Variants in DNM3 observed in about 807,000 individuals in gnomAD.
DNM3 encodes dynamin-3.
Under a neutral mutation model 101.6 loss-of-function variants are expected in DNM3, and 47 were observed. The observed-to-expected ratio is 0.46, with a 90% CI of 0.37 to 0.59. The LOEUF (loss-of-function observed/expected upper bound fraction) is 0.59. Among genes scored for constraint, DNM3 ranks in the 20% least tolerant of loss-of-function variants. DNM3 has a pLI of 0.00. For missense variants in DNM3, 849 were observed against 1,085.7 expected (o/e 0.78, Z 3.06); for synonymous variants, 385 against 387.9 (o/e 0.99, Z 0.09).
At chr1:171,969,755 T>C (rs1018141954) in intron 2 of DNM3, among the ~76,000 whole-genome samples, 2 of 152,132 alleles carry the variant, frequency 1.3e-5, no homozygotes, top group African/African-American at 4.8e-5. Context: ...CAAAACACCG[T>C]ATTTTGAGGT....
intron 17 of DNM3, among the ~76,000 whole-genome samples, chr1:172,338,184 G>A (rs1335274556): frequency 6.6e-6 from 1 of 152,012 alleles, no homozygotes; most frequent in Non-Finnish European, 1.5e-5. Context: ...CAAAGTGCTG[G>A]GATTACAGGC....
chr1:171,896,096 T>G (rs1319412783), intron 1 of DNM3, among the ~76,000 whole-genome samples: 7 of 152,220 alleles, frequency 4.6e-5, no homozygotes, highest in Admixed American at 1.3e-4. Context: ...TTGTTCTTTT[T>G]GCTTAGGATT....
intron 13 of DNM3, among the ~76,000 whole-genome samples, chr1:172,117,141 G>A (rs1364710749): frequency 6.6e-6 from 1 of 151,738 alleles, no homozygotes; most frequent in Non-Finnish European, 1.5e-5. Context: ...GGAGGCAGAG[G>A]TTGTGGTGAG....
chr1:172,304,269 A>G (rs1269998871), intron 15 of DNM3, among the ~76,000 whole-genome samples: 1 of 149,416 alleles, frequency 6.7e-6, no homozygotes, highest in Non-Finnish European at 1.5e-5. Context: ...TTAAACCAAC[A>G]AAGATCAAAA....
chr1:172,091,663 G>C (rs1235754027), intron 12 of DNM3, among the ~76,000 whole-genome samples: 1 of 152,180 alleles, frequency 6.6e-6, no homozygotes, highest in African/African-American at 2.4e-5. Flanking sequence ...AGTAGTGGGG[G>C]TTGCTTGAGT....
chr1:172,055,405 C>G (rs1046670218), intron 10 of DNM3, among the ~76,000 whole-genome samples: 7 of 151,940 alleles, frequency 4.6e-5, no homozygotes, highest in Admixed American at 3.9e-4. Flanking sequence ...AGTTGCATAG[C>G]CTTCCCACAA....
chr1:171,914,486 T>A (rs1247056276), intron 1 of DNM3, among the ~76,000 whole-genome samples: 2 of 152,206 alleles, frequency 1.3e-5, no homozygotes, highest in African/African-American at 4.8e-5. Context: ...GGAAAAAAAT[T>A]TTAAAAATAT....
At chr1:172,074,967 T>C (rs925735908) in intron 11 of DNM3, among the ~76,000 whole-genome samples, 3 of 152,226 alleles carry the variant, frequency 2.0e-5, no homozygotes, top group African/African-American at 7.2e-5. Context: ...CCACATCCTC[T>C]CCAGCATCTG....
chr1:172,044,491 A>G (rs1174582098), intron 9 of DNM3, 39 bp downstream of exon 9: 3 of 1,537,920 alleles, frequency 2.0e-6, no homozygotes, highest in Non-Finnish European at 2.7e-6. Context: ...TGTTCAAGCT[A>G]CCAAAAGAAA....
chr1:172,236,783 C>T lies in DNM3; in HGVS notation c.1660-16790C>T, dbSNP rs865932004. 2.6e-5 allele frequency among the ~76,000 whole-genome samples: 4 copies of T among 152,242 alleles called. 1 individual carries two copies. The highest frequency in any genetic ancestry group is 6.8e-3 in the Middle Eastern group (2 of 294). ...TTGGTCTTGTCTTGCCTGTGCTAAA[C>T]TTTTTCTATGACATTAAAGAGGTCT... is the stretch of plus-strand genomic sequence containing the variant. On this transcript the variant is annotated intron_variant, in intron 14 of 20. Transcript: ENST00000627582.
At chr1:172,321,406 G>C (rs73046825) in intron 16 of DNM3, among the ~76,000 whole-genome samples, 9,765 of 152,188 alleles carry the variant, frequency 0.064, 1,001 homozygotes, top group African/African-American at 0.22. Context: ...ATTCTGAAGA[G>C]TCTTAGTTTT....
chr1:172,040,861 G>A (rs1284414346), intron 7 of DNM3, among the ~76,000 whole-genome samples: 1 of 152,148 alleles, frequency 6.6e-6, no homozygotes, highest in African/African-American at 2.4e-5. Flanking sequence ...AAGTGTAAAA[G>A]CACAGGGACA....
chr1:171,907,474 A>G (rs2038928413), intron 1 of DNM3, among the ~76,000 whole-genome samples: 1 of 151,930 alleles, frequency 6.6e-6, no homozygotes, highest in Non-Finnish European at 1.5e-5. Context: ...CTGGGCAGCA[A>G]GAGTGAGACT....
intron 14 of DNM3, among the ~76,000 whole-genome samples, chr1:172,151,128 CTA>C (rs1375683575): frequency 6.6e-6 from 1 of 152,102 alleles, no homozygotes; most frequent in Non-Finnish European, 1.5e-5. Context: ...TAGATCATCT[CTA>C]TGTGAGAATT....
rs34450060 is a variant in DNM3, at chr1:171,955,440, A to G, written c.236-32216A>G. On this transcript the variant is annotated intron_variant, in intron 2 of 20. Transcript: ENST00000627582. ...CTGTGTGTTTCCAGCTGTGTGGCAG[A>G]TATAAGGGCATCAGAGAGGAATATG... Among the ~76,000 whole-genome samples, 187 of 152,308 alleles carry G rather than the reference A, an allele frequency of 1.2e-3. 1 individual carries two copies. The highest frequency in any genetic ancestry group is 3.7e-3 in the Admixed American group (57 of 15,288).
intron 14 of DNM3, among the ~76,000 whole-genome samples, chr1:172,155,184 G>A (rs16843937): frequency 0.016 from 2,500 of 151,562 alleles, 81 homozygotes; most frequent in African/African-American, 0.056. Context: ...AAACATAAAG[G>A]CCAACCATAC....
intron 1 of DNM3, among the ~76,000 whole-genome samples, chr1:171,888,631 G>A (rs534856292): frequency 6.6e-6 from 1 of 152,270 alleles, no homozygotes; most frequent in South Asian, 2.1e-4. Context: ...CAACAGTGCT[G>A]TGTGGATGTG....
At chr1:172,122,480 A>G (rs755915381) in intron 13 of DNM3, among the ~76,000 whole-genome samples, 26 of 152,176 alleles carry the variant, frequency 1.7e-4, no homozygotes, top group Admixed American at 2.6e-4. Flanking sequence ...TGAAACCAGG[A>G]GCCAATCCCA....
chr1:172,185,630 T>A (rs1165141941), intron 14 of DNM3, among the ~76,000 whole-genome samples: 1 of 152,116 alleles, frequency 6.6e-6, no homozygotes, highest in African/African-American at 2.4e-5. Flanking sequence ...ATTTTTAATG[T>A]GTTTGTGCAC....
Sources: allele counts gnomAD v4.1 joint callset (sites outside exome capture counted in the v4.1 genomes callset), GRCh38; gene constraint gnomAD v4.1.1; transcripts MANE v1.5; gene names NCBI Gene and HGNC (gene_info 2026-07-23, HGNC 2026-07-21).